The following PTPN5 variants were observed in gnomAD, a reference collection of about 807,000 sequenced individuals.
PTPN5 encodes protein tyrosine phosphatase non-receptor type 5.
In PTPN5, 29 loss-of-function variants were observed where a neutral mutation model predicts 73.9. That is an observed-to-expected ratio of 0.39 (90% CI 0.29 to 0.54). The LOEUF is 0.54. PTPN5 is among the 20% of genes least tolerant of loss of function. The pLI is 0.65. For missense variants in PTPN5, 652 were observed against 751.4 expected (o/e 0.87, Z 1.55); for synonymous variants, 267 against 304.7 (o/e 0.88, Z 1.29).
chr11:18,735,560 A>T (rs1395833172), intron 9 of PTPN5, among the ~76,000 whole-genome samples: 3 of 152,258 alleles, frequency 2.0e-5, no homozygotes, highest in African/African-American at 7.2e-5. Context: ...TCAAGCCTGT[A>T]AGCCCAGCAC....
chr11:18,765,767 T>C lies in PTPN5; in HGVS notation c.97+40A>G. On this transcript the variant is annotated intron_variant, in intron 3 of 14. Transcript: ENST00000358540. ...CTTCAGCCGGGGCATTGTCTCTCCATTCTGAGGTCTGGGAGGAGCTGGGTG... is the reference window on the plus strand; with the variant it reads ...CTTCAGCCGGGGCATTGTCTCTCCACTCTGAGGTCTGGGAGGAGCTGGGTG... 7.9e-6 allele frequency: 11 copies of C among 1,399,334 alleles called. No homozygotes were observed. The Middle Eastern group carries it at 1.0e-3, about 133-fold the overall frequency. 86.7% of individuals were successfully genotyped at this position (1,399,334 alleles called of 1,614,324 possible). A position where few individuals can be genotyped will look rare whatever the true frequency, so the allele number is the denominator to read the frequency against.
Position 18,742,625 on chromosome 11 carries a change from C to T in PTPN5, c.484-122G>A, listed in dbSNP as rs1186962587. 5 of 1,409,132 alleles carry T rather than the reference C, an allele frequency of 3.5e-6. No individual in the cohort carries two copies. The highest frequency in any genetic ancestry group is 2.1e-5 in the Admixed American group (1 of 46,934). 87.3% of individuals were successfully genotyped at this position (1,409,132 alleles called of 1,614,324 possible). ...GTGTGTCTAGAGCAGCTCTGCTCTC[C>T]TGGGAGTTGTCCACAAGGCACTGCC... On this transcript the variant is annotated intron_variant, in intron 6 of 14. Transcript: ENST00000358540. This position sits in a 1 kb window ranked among gnomAD's most constrained non-coding sequence, Gnocchi z 4.1.
chr11:18,773,706 C>T (rs1293411529), intron 1 of PTPN5, among the ~76,000 whole-genome samples: 1 of 152,142 alleles, frequency 6.6e-6, no homozygotes, highest in Non-Finnish European at 1.5e-5. Flanking sequence ...TGAGACATTT[C>T]TTCCATACCT....
At chr11:18,743,507 C>T (rs1849471808) in intron 4 of PTPN5, 78 bp from the exon 5 acceptor site, 1 of 1,302,894 alleles carries the variant, frequency 7.7e-7, no homozygotes, top group East Asian at 2.3e-5. Flanking sequence ...CACCTGCAGC[C>T]TCAACCTGGC....
chr11:18,753,735 A>C (rs1356164378), intron 3 of PTPN5, among the ~76,000 whole-genome samples: 1 of 152,118 alleles, frequency 6.6e-6, no homozygotes, highest in Non-Finnish European at 1.5e-5. Context: ...CTCCTGTGCT[A>C]TGTGTGGTGG....
intron 8 of PTPN5, among the ~76,000 whole-genome samples, 156 bp from the exon 9 acceptor site, chr11:18,738,120 C>T (rs954300512): frequency 3.3e-5 from 5 of 152,156 alleles, no homozygotes; most frequent in Admixed American, 2.0e-4. Flanking sequence ...GTGCTCACGA[C>T]GCATTCAGAA....
At chr11:18,753,076 G>A (rs4756964) in intron 3 of PTPN5, among the ~76,000 whole-genome samples, 100,643 of 152,114 alleles carry the variant, frequency 0.66, 34,089 homozygotes, top group Middle Eastern at 0.86. Flanking sequence ...CCATGGCAGT[G>A]GAAGGCTGGG....
Position 18,729,894 on chromosome 11 carries a change from G to A in PTPN5, c.1330-76C>T, listed in dbSNP as rs1848797922. 6 of 1,570,318 alleles carry A rather than the reference G, an allele frequency of 3.8e-6. No individual in the cohort carries two copies. The East Asian group carries it at 1.1e-4, about 29-fold the overall frequency. ...CACAAACCAGCCCAGAGATAGAGAT[G>A]AGATGGAAGGAGGAAGAACACAGGA... is the stretch of plus-strand genomic sequence containing the variant. On this transcript the variant is annotated intron_variant, in intron 12 of 14. Coordinates refer to ENST00000358540, the MANE Select transcript of PTPN5 (RefSeq NM_006906.2). This position sits in a 1 kb window ranked among gnomAD's most constrained non-coding sequence, Gnocchi z 5.2.
At chr11:18,758,793 G>A (rs1189584456) in intron 3 of PTPN5, among the ~76,000 whole-genome samples, 1 of 152,138 alleles carries the variant, frequency 6.6e-6, no homozygotes, top group Non-Finnish European at 1.5e-5. Context: ...GAGTACGATG[G>A]ATGTCCATTT....
At chr11:18,761,634 G>T (rs1023439805) in intron 3 of PTPN5, among the ~76,000 whole-genome samples, 1 of 152,110 alleles carries the variant, frequency 6.6e-6, no homozygotes, top group African/African-American at 2.4e-5. Flanking sequence ...CCACAGTACC[G>T]GGGAGCTGGG....
chr11:18,770,735 A>C (rs1375618880), intron 2 of PTPN5, among the ~76,000 whole-genome samples: 1 of 152,206 alleles, frequency 6.6e-6, no homozygotes, highest in Admixed American at 6.5e-5. Flanking sequence ...CTTGAAGGTC[A>C]TCACCTTCCT....
upstream of PTPN5, chr11:18,791,977 T>G (rs1038002307): frequency 2.0e-5 from 3 of 152,142 alleles, no homozygotes; most frequent in Non-Finnish European, 4.4e-5. Context: ...CCTGACCTCA[T>G]CTCAGGTGCC....
rs773179523 is a variant in PTPN5 at position 18,744,208 on chromosome 11, G to A, written c.98-9C>T. ...TATCGGCTGGGGGAGACCTGTGGAAGATGGGCCATGCGGGCCGATGACTCC... is the reference window on the plus strand; with the variant it reads ...TATCGGCTGGGGGAGACCTGTGGAAAATGGGCCATGCGGGCCGATGACTCC... On this transcript the variant is annotated splice_polypyrimidine_tract_variant and intron_variant, in intron 3 of 14. Coordinates refer to ENST00000358540, the MANE Select transcript of PTPN5 (RefSeq NM_006906.2). 2.0e-6 allele frequency: 3 copies of A among 1,525,088 alleles called. No homozygotes were observed. Among genetic ancestry groups the A allele is most frequent in the Middle Eastern group, 1.8e-4 (1 of 5,588 alleles). 94.5% of individuals were successfully genotyped at this position (1,525,088 alleles called of 1,614,324 possible). A position where few individuals can be genotyped will look rare whatever the true frequency, so the allele number is the denominator to read the frequency against.
At chr11:18,744,659 G>A (rs1308748832) in intron 3 of PTPN5, among the ~76,000 whole-genome samples, 1 of 152,108 alleles carries the variant, frequency 6.6e-6, no homozygotes, top group Non-Finnish European at 1.5e-5. Flanking sequence ...TGGGGCTGGA[G>A]GCTAGACTCT....
At chr11:18,780,956 T>A (rs11024792) in intron 1 of PTPN5, among the ~76,000 whole-genome samples, 1 of 151,972 alleles carries the variant, frequency 6.6e-6, no homozygotes, top group Non-Finnish European at 1.5e-5. Flanking sequence ...GGCTGCTGCA[T>A]GACACTCAGT....
chr11:18,781,606 T>C (rs867200403), intron 1 of PTPN5, among the ~76,000 whole-genome samples: 1 of 152,112 alleles, frequency 6.6e-6, no homozygotes, highest in Non-Finnish European at 1.5e-5. Flanking sequence ...TGAGCCACCA[T>C]GCCCAGCTCC....
intron 3 of PTPN5, among the ~76,000 whole-genome samples, chr11:18,748,299 A>G (rs941591561): frequency 1.7e-4 from 26 of 152,322 alleles, no homozygotes; most frequent in Non-Finnish European, 1.3e-4. Flanking sequence ...TTACTTTTGC[A>G]TATGAAAGAT....
intron 9 of PTPN5, among the ~76,000 whole-genome samples, chr11:18,734,616 G>A (rs563137737): frequency 1.1e-3 from 173 of 152,330 alleles, no homozygotes; most frequent in Middle Eastern, 3.4e-3. Context: ...TTATAGGCAT[G>A]AGCCACTGTG....
chr11:18,729,527 G>A lies in PTPN5; in HGVS notation c.1530C>T (p.Ser510=), dbSNP rs760281083. The A allele has an allele frequency of 1.2e-6, 2 of 1,601,290 alleles. No individual in the cohort carries two copies. Among genetic ancestry groups the A allele is most frequent in the African/African-American group, 1.3e-5 (1 of 74,962 alleles). ...CCTGCCGCAGCTGCTGGCAGCAGAT[G>A]CTGGTGGCAATGAAGCAGCCGGTCC... The part of the protein sequence containing the change: ...IGRTGCFIAT[S]ICCQQLRQEG... Residue 510 remains serine, a synonymous_variant, in exon 14 of 15, where the codon AGC becomes AGT. Coordinates refer to ENST00000358540, the MANE Select transcript of PTPN5 (RefSeq NM_006906.2). This position sits in a 1 kb window ranked among gnomAD's most constrained non-coding sequence, Gnocchi z 5.2.
Sources: allele counts gnomAD v4.1 joint callset (sites outside exome capture counted in the v4.1 genomes callset), GRCh38; gene constraint gnomAD v4.1.1; non-coding constraint Gnocchi (gnomAD v3.1); transcripts MANE v1.5; gene names NCBI Gene and HGNC (gene_info 2026-07-23, HGNC 2026-07-21).